ADGRL3: variants seen among roughly 807,000 people sequenced by gnomAD.
ADGRL3 encodes the protein calcium-independent alpha-latrotoxin receptor 3.
ADGRL3 carries 62 observed loss-of-function variants against 153.5 expected under a neutral mutation model. The observed-to-expected ratio is 0.40, with a 90% CI of 0.33 to 0.50. The LOEUF is 0.50. Ranked by LOEUF, ADGRL3 falls within the 20% of genes least tolerant of loss-of-function variation. The pLI is 0.47. For synonymous variants in ADGRL3, 710 were observed against 672.5 expected, an observed-to-expected ratio of 1.06 and a Z score of -0.86; for missense variants, 1,641 against 1,859.4, an observed-to-expected ratio of 0.88 and a Z score of 2.16.
intron 1 of ADGRL3, among the ~76,000 whole-genome samples, chr4:61,308,801 A>G (rs1414158899): frequency 2.0e-5 from 3 of 152,212 alleles, no homozygotes; most frequent in Non-Finnish European, 1.5e-5. Flanking sequence ...CCTTCTCATC[A>G]TTAGTTTGAA....
intron 2 of ADGRL3, among the ~76,000 whole-genome samples, chr4:61,487,961 A>C (rs1285776953): frequency 6.6e-6 from 1 of 152,074 alleles, no homozygotes; most frequent in Non-Finnish European, 1.5e-5. Flanking sequence ...GAACGTATCA[A>C]TATAGACAAA....
intron 6 of ADGRL3, among the ~76,000 whole-genome samples, chr4:61,686,708 G>A (rs147162295): frequency 2.6e-5 from 4 of 152,004 alleles, no homozygotes; most frequent in East Asian, 1.9e-4. Flanking sequence ...TATAGTCACC[G>A]TCCTGTGCAA....
At chr4:61,335,398 G>A (rs564866486) in intron 1 of ADGRL3, among the ~76,000 whole-genome samples, 1 of 152,190 alleles carries the variant, frequency 6.6e-6, no homozygotes, top group Non-Finnish European at 1.5e-5. Context: ...TTGAAAAATG[G>A]TTCCACTTCA....
chr4:61,477,284 A>G (rs74778277), intron 2 of ADGRL3, among the ~76,000 whole-genome samples: 2,127 of 152,238 alleles, frequency 0.014, 24 homozygotes, highest in Non-Finnish European at 0.023. Flanking sequence ...AGTTTTGGTG[A>G]GGTGGTCCTT....
intron 2 of ADGRL3, among the ~76,000 whole-genome samples, chr4:61,428,880 CT>C (rs879262340): frequency 0.025 from 2,513 of 101,850 alleles, 26 homozygotes; most frequent in South Asian, 0.04. Flanking sequence ...TCTATATCAT[CT>C]ATCTATCTAT....
At chr4:61,457,547 T>C (rs551128743) in intron 2 of ADGRL3, among the ~76,000 whole-genome samples, 19 of 152,066 alleles carry the variant, frequency 1.2e-4, no homozygotes, top group African/African-American at 4.1e-4. Flanking sequence ...AATTACATAT[T>C]GTTAAATAAT....
At chr4:61,484,139 C>T (rs1023086010) in intron 2 of ADGRL3, among the ~76,000 whole-genome samples, 1 of 151,872 alleles carries the variant, frequency 6.6e-6, no homozygotes, top group Non-Finnish European at 1.5e-5. Flanking sequence ...TGCTAAGTGA[C>T]TCCTGGAACA....
At chr4:61,511,870 C>G (rs1236345269) in intron 3 of ADGRL3, among the ~76,000 whole-genome samples, 1 of 152,152 alleles carries the variant, frequency 6.6e-6, no homozygotes, top group Non-Finnish European at 1.5e-5. Context: ...TACTCAGGTG[C>G]TTGAATTGGA....
chr4:61,337,731 T>C (rs1012847761), intron 1 of ADGRL3, among the ~76,000 whole-genome samples: 39 of 152,216 alleles, frequency 2.6e-4, no homozygotes, highest in African/African-American at 9.2e-4. Flanking sequence ...GATGTACTTA[T>C]ATGTGACCAT....
At chr4:61,829,159 C>T (rs772119401) in intron 9 of ADGRL3, among the ~76,000 whole-genome samples, 1 of 152,152 alleles carries the variant, frequency 6.6e-6, no homozygotes, top group Non-Finnish European at 1.5e-5. Context: ...AATAAATGGG[C>T]ACTTAATAGT....
chr4:61,263,490 C>T (rs868086296), intron 1 of ADGRL3, among the ~76,000 whole-genome samples: 11 of 150,518 alleles, frequency 7.3e-5, no homozygotes, highest in Non-Finnish European at 8.9e-5. Flanking sequence ...GAAAAAGTCT[C>T]ATCTCTTTGA....
At chr4:61,231,652 T>C in intron 1 of ADGRL3, among the ~76,000 whole-genome samples, 1 of 152,132 alleles carries the variant, frequency 6.6e-6, no homozygotes, top group East Asian at 1.9e-4. Context: ...GCACTTCCCT[T>C]GCTGCAGTGC....
chr4:61,791,077 C>G (rs895471097), intron 8 of ADGRL3, among the ~76,000 whole-genome samples: 1 of 152,058 alleles, frequency 6.6e-6, no homozygotes, highest in East Asian at 1.9e-4. Flanking sequence ...CTAGCCCCTC[C>G]AAATCTCATG....
intron 13 of ADGRL3, among the ~76,000 whole-genome samples, chr4:61,920,998 A>G (rs1056656668): frequency 1.3e-5 from 2 of 152,088 alleles, no homozygotes; most frequent in Admixed American, 6.6e-5. Context: ...TTAATAACAC[A>G]GTGAAATCTT....
intron 9 of ADGRL3, among the ~76,000 whole-genome samples, chr4:61,865,194 G>A (rs1324416062): frequency 2.6e-5 from 4 of 152,108 alleles, no homozygotes; most frequent in Non-Finnish European, 4.4e-5. Context: ...AATTCTCTAA[G>A]ATATGTTTGG....
chr4:61,523,745 T>C (rs2098544206), intron 4 of ADGRL3, among the ~76,000 whole-genome samples: 1 of 152,034 alleles, frequency 6.6e-6, no homozygotes, highest in Non-Finnish European at 1.5e-5. Context: ...TGAAAATAAA[T>C]GTGCGAGCTT....
intron 1 of ADGRL3, among the ~76,000 whole-genome samples, chr4:61,294,737 C>T (rs374662248): frequency 6.6e-6 from 1 of 152,028 alleles, no homozygotes; most frequent in East Asian, 1.9e-4. Flanking sequence ...CTTAATATCT[C>T]ATCAATATGG....
At chr4:61,818,686 T>C (rs528431384) in intron 9 of ADGRL3, among the ~76,000 whole-genome samples, 2 of 152,270 alleles carry the variant, frequency 1.3e-5, no homozygotes, top group South Asian at 2.1e-4. Flanking sequence ...CTGCTTGATA[T>C]CTACCTCAAA....
intron 21 of ADGRL3, among the ~76,000 whole-genome samples, chr4:62,019,639 G>A (rs2099228848): frequency 6.6e-6 from 1 of 151,924 alleles, no homozygotes; most frequent in South Asian, 2.1e-4. Context: ...TTGGGCTTCT[G>A]TATTAAAAGC....
Sources: gnomAD v4.1 joint callset for allele counts (sites outside exome capture counted in the v4.1 genomes callset) on GRCh38, gnomAD v4.1.1 for gene constraint, MANE v1.5 for transcripts, NCBI Gene and HGNC (gene_info 2026-07-23, HGNC 2026-07-21) for gene names.